The following ZNF527 variants were observed in gnomAD, a reference collection of about 807,000 sequenced individuals.
ZNF527 encodes the protein zinc finger protein 527.
A neutral mutation model predicts 13.5 loss-of-function variants in ZNF527; 5 were observed. The observed-to-expected ratio is 0.37, with a 90% confidence interval of 0.19 to 0.78. The LOEUF (loss-of-function observed/expected upper bound fraction) is 0.78. Among genes scored for constraint, ZNF527 ranks in the 30% least tolerant of loss-of-function variants. The pLI is 0.48. For synonymous variants in ZNF527, 209 were observed against 243.1 expected, an observed-to-expected ratio of 0.86 and a Z score of 1.30; for missense variants, 628 against 726.4, an observed-to-expected ratio of 0.86 and a Z score of 1.56.
chr19:37,379,408 TTTAA>T (rs1352939019), intron 3 of ZNF527, 162 bp downstream of exon 3: 5 of 581,272 alleles, frequency 8.6e-6, no homozygotes, highest in Non-Finnish European at 8.0e-6. Context: ...TTGCTTAAAT[TTTAA>T]TTAATTAATT....
At chr19:37,381,385 G>A (rs997069995) in intron 4 of ZNF527, among the ~76,000 whole-genome samples, 2 of 151,998 alleles carry the variant, frequency 1.3e-5, no homozygotes, top group Non-Finnish European at 2.9e-5. Context: ...TACACAAATG[G>A]CTCATTATAT....
At chr19:37,375,244 TTCTTTC>T (rs2040589632) in intron 2 of ZNF527, among the ~76,000 whole-genome samples, 1 of 45,122 alleles carries the variant, frequency 2.2e-5, no homozygotes, top group African/African-American at 1.1e-4. Context: ...TTAGTGTATT[TTCTTTC>T]TTTCTTTCTT....
chr19:37,372,147 G>C (rs1021881157), intron 1 of ZNF527, among the ~76,000 whole-genome samples: 4 of 151,240 alleles, frequency 2.6e-5, no homozygotes, highest in African/African-American at 9.7e-5. Context: ...TTACAGGCGC[G>C]CACCACCACG....
chr19:37,382,425 T>A (rs1371849080), intron 4 of ZNF527, among the ~76,000 whole-genome samples: 6 of 152,228 alleles, frequency 3.9e-5, no homozygotes, highest in Non-Finnish European at 8.8e-5. Context: ...CAGTTTATAT[T>A]AATAACTTGA....
rs1244713615 is a variant in ZNF527, at chr19:37,380,269, G to A, written c.161-8G>A. The A allele has an allele frequency of 6.2e-7, 1 of 1,613,076 alleles. No individual in the cohort carries two copies. Among genetic ancestry groups the A allele is most frequent in the Non-Finnish European group, 8.5e-7 (1 of 1,179,538 alleles). On this transcript the variant is annotated splice_region_variant and splice_polypyrimidine_tract_variant and intron_variant, in intron 3 of 4. Transcript: ENST00000436120. ...CTCTTGCTCTCATTTTTCTTCCCCT[G>A]TGAACAGGACTCTCCATTTCTAAGC...
intron 1 of ZNF527, among the ~76,000 whole-genome samples, chr19:37,372,956 A>T (rs1435133311): frequency 6.6e-6 from 1 of 152,330 alleles, no homozygotes; most frequent in East Asian, 1.9e-4. Context: ...AATATATGGC[A>T]TTGATTACTC....
chr19:37,389,404 G>C lies in ZNF527; in HGVS notation c.1355G>C (p.Gly452Ala), dbSNP rs1204776323. 2 of 1,613,790 alleles carry C rather than the reference G, an allele frequency of 1.2e-6. No homozygotes were observed. Among genetic ancestry groups the C allele is most frequent in the Non-Finnish European group, 1.7e-6 (2 of 1,179,926 alleles). ...FKCSECGKTFGYRSHLNQHQR... is the reference protein window; with the variant it reads ...FKCSECGKTFAYRSHLNQHQR... ...TGTAGTGAATGTGGGAAGACCTTTG[G>C]CTATCGCTCACACCTGAATCAACAT... The change falls in exon 5 of 5, where the codon GGC (glycine) becomes GCC (alanine). Residue 452 changes from glycine (G) to alanine (A), a missense_variant. Physicochemically the swap from Gly to Ala is moderately conservative, Grantham distance 60. This residue lies in a region of ZNF527 where 592 missense variants were observed against 678.0 expected (regional missense o/e 0.87). Transcript: ENST00000436120.
intron 4 of ZNF527, among the ~76,000 whole-genome samples, chr19:37,386,140 C>CTTTTTTTTTTTTTTTTTTTTTTTT (rs1050024983): frequency 8.3e-5 from 6 of 72,464 alleles, no homozygotes; most frequent in Non-Finnish European, 9.2e-5. Flanking sequence ...TCTTCTTTTC[C>CTTTTTTTTTTTTTTTTTTTTTTTT]TTTTTTTTTT....
intron 4 of ZNF527, among the ~76,000 whole-genome samples, chr19:37,382,281 A>G (rs910142129): frequency 1.9e-4 from 23 of 120,666 alleles, no homozygotes; most frequent in African/African-American, 4.8e-4. Context: ...AGATAGATAG[A>G]TAGGTAGATA....
chr19:37,371,977 T>C (rs2040560553), intron 1 of ZNF527, among the ~76,000 whole-genome samples: 2 of 151,922 alleles, frequency 1.3e-5, no homozygotes, highest in South Asian at 4.1e-4. Flanking sequence ...ACCCAAGCAG[T>C]TTAGCTCTAG....
Position 37,388,694 on chromosome 19 carries a change from G to A in ZNF527, c.645G>A (p.Glu215=), listed in dbSNP as rs1367554368. Residue 215 remains glutamate (E), a synonymous_variant, in exon 5 of 5, where the codon GAG becomes GAA. Coordinates refer to ENST00000436120, the MANE Select transcript of ZNF527 (RefSeq NM_032453.2). ...TTGAATATAAAAGACTCCATGCTGA[G>A]AAGGAATCTTTGATAGGTAATGAAT... ...VIIEYKRLHA[E]KESLIGNECE... is the part of the protein sequence containing the mutation. 5 of 1,611,378 alleles carry A rather than the reference G, an allele frequency of 3.1e-6. No homozygotes were observed. Among genetic ancestry groups the A allele is most frequent in the African/African-American group, 1.3e-5 (1 of 74,736 alleles).
intron 2 of ZNF527, among the ~76,000 whole-genome samples, chr19:37,375,311 T>TTTTCTTCCTTTCTTTCTTTC (rs2040596006): frequency 1.3e-5 from 1 of 79,796 alleles, no homozygotes; most frequent in East Asian, 3.7e-4. Flanking sequence ...TCTTTCTTTC[T>TTTTCTTCCTTTCTTTCTTTC]TTTCTTTCTT....
At chr19:37,386,243 G>T (rs1276980232) in intron 4 of ZNF527, among the ~76,000 whole-genome samples, 1 of 138,070 alleles carries the variant, frequency 7.2e-6, no homozygotes, top group East Asian at 2.3e-4. Flanking sequence ...GCCAGTTCAA[G>T]CAATTCTCGT....
At chr19:37,379,088 G>T (rs2040630603) in intron 2 of ZNF527, 32 bp from the exon 3 acceptor site, 2 of 1,613,690 alleles carry the variant, frequency 1.2e-6, no homozygotes, top group Admixed American at 1.7e-5. Flanking sequence ...AGGTGTCTGG[G>T]CACCTGGTGA....
At chr19:37,376,436 G>T (rs1158554140) in intron 2 of ZNF527, among the ~76,000 whole-genome samples, 3 of 152,134 alleles carry the variant, frequency 2.0e-5, no homozygotes, top group Non-Finnish European at 4.4e-5. Context: ...CACTTTGGGA[G>T]GCTAAGGCAG....
chr19:37,375,306 C>CT (rs1236983829), intron 2 of ZNF527, among the ~76,000 whole-genome samples: 2,163 of 99,668 alleles, frequency 0.022, 25 homozygotes, highest in South Asian at 0.033. Flanking sequence ...TTCTTTCTTT[C>CT]TTTCTTTTCT....
chr19:37,381,264 G>T (rs1325547552), intron 4 of ZNF527, among the ~76,000 whole-genome samples: 1 of 152,014 alleles, frequency 6.6e-6, no homozygotes, highest in Non-Finnish European at 1.5e-5. Context: ...TCCAGTTCCC[G>T]ACTTACCATC....
chr19:37,389,163 T>C lies in ZNF527; in HGVS notation c.1114T>C (p.Phe372Leu). 6.2e-7 allele frequency: 1 copy of C among 1,614,040 alleles called. No homozygotes were observed. Among genetic ancestry groups the C allele is most frequent in the Non-Finnish European group, 8.5e-7 (1 of 1,179,992 alleles). The change falls in exon 5 of 5, where the codon TTC (phenylalanine) becomes CTC (leucine). Residue 372 changes from phenylalanine (F) to leucine (L), a missense_variant. Physicochemically the swap from Phe to Leu is conservative, Grantham distance 22. This residue lies in a region of ZNF527 where 592 missense variants were observed against 678.0 expected (regional missense o/e 0.87). Transcript: ENST00000436120. The part of the protein sequence containing the change: ...ECGKAFSRYA[F>L]LVEHQRIHTG... ...TGGGAAGGCCTTTAGCCGTTATGCC[T>C]TCCTTGTTGAACATCAGAGAATTCA...
chr19:37,375,330 T>TCTTTCTTTCTTTCTTTC (rs1568691641), intron 2 of ZNF527, among the ~76,000 whole-genome samples: 1 of 147,526 alleles, frequency 6.8e-6, no homozygotes, highest in African/African-American at 2.5e-5. Flanking sequence ...TTTCTTTCTT[T>TCTTTCTTTCTTTCTTTC]CTTTCTTTCC....
Sources: gnomAD v4.1 joint callset for allele counts (sites outside exome capture counted in the v4.1 genomes callset) on GRCh38, gnomAD v4.1.1 for gene constraint, gnomAD v4.1.1 regional missense constraint, MANE v1.5 for transcripts, NCBI Gene and HGNC (gene_info 2026-07-23, HGNC 2026-07-21) for gene names.